The following KMT2D variants were observed in gnomAD, a reference collection of about 807,000 sequenced individuals.
KMT2D encodes lysine methyltransferase 2D.
A neutral mutation model predicts 512.7 loss-of-function variants in KMT2D; 55 were observed. The ratio of observed to expected loss-of-function variants is 0.11; its 90% confidence interval spans 0.09 to 0.13. The LOEUF (loss-of-function observed/expected upper bound fraction) is 0.13. KMT2D is among the 10% of genes least tolerant of loss of function. The pLI is 1.00. For missense variants in KMT2D, 6,061 were observed against 7,127.9 expected, an observed-to-expected ratio of 0.85 and a Z score of 5.39; for synonymous variants, 2,995 against 2,904.0, an observed-to-expected ratio of 1.03 and a Z score of -1.01.
rs757060410 is a variant in KMT2D at position 49,032,861 on chromosome 12, A to C, written c.11844T>G (p.Leu3948=). 2 of 1,548,528 alleles carry C rather than the reference A, an allele frequency of 1.3e-6. No individual in the cohort carries two copies. The highest frequency in any genetic ancestry group is 1.2e-5 in the South Asian group (1 of 83,900). Reference sequence around the variant, plus strand: ...GTTGTAGCTGCTGTTGCTGCTGTTGAAGCTGTTGCTGCTGCTGTTGTTGAA... The same window carrying C: ...GTTGTAGCTGCTGTTGCTGCTGTTGCAGCTGTTGCTGCTGCTGTTGTTGAA... ...QQLQQQQQQQ[L]QQQQQQLQQQ... Residue 3948 remains leucine, a synonymous_variant, in exon 40 of 55, where the codon CTT becomes CTG. Coordinates refer to ENST00000301067, the MANE Select transcript of KMT2D (RefSeq NM_003482.4).
rs2120452450 is a variant in KMT2D at position 49,034,135 on chromosome 12, C to T, written c.10672G>A (p.Glu3558Lys). The change falls in exon 39 of 55, where the codon GAA becomes AAA. Residue 3558 changes from glutamate to lysine, a missense_variant. Around this residue, in one of 16 missense-constraint regions of KMT2D, gnomAD observed 50 missense variants for 119.9 expected, o/e 0.42. Transcript: ENST00000301067. ...TAKKAGREFP[E>K]ADAEKLKLVT... ...AGCTTGAGCTTCTCAGCATCAGCTT[C>T]TGGGAACTCACGGCCAGCTTTTTTG... 6.2e-7 allele frequency: 1 copy of T among 1,613,332 alleles called. No individual in the cohort carries two copies. The highest frequency in any genetic ancestry group is 8.5e-7 in the Non-Finnish European group (1 of 1,179,902).
intron 19 of KMT2D, 131 bp from the exon 20 acceptor site, chr12:49,045,096 G>T: frequency 1.2e-6 from 1 of 819,644 alleles, no homozygotes. Flanking sequence ...TAAATGCTGA[G>T]GAGAACAGGC....
Position 49,027,205 on chromosome 12 carries a change from AG to A in KMT2D, c.14760del (p.Leu4921TrpfsTer74). On this transcript the variant is annotated frameshift_variant, in exon 49 of 55. Transcript: ENST00000301067. LOFTEE classifies it high-confidence loss of function. ...GGGGGACTGGCAGGAGAAGGTGCCA[AG>A]GGGGAAGGGGGCGGGGAGGGTTCTT... ...PPEEPSPPPSPLAPSPASPPT... is the reference protein window; with the variant it reads ...PPEEPSPPPSXLAPSPASPPT... 1 of 909,282 alleles carries A rather than the reference AG, an allele frequency of 1.1e-6. No individual in the cohort carries two copies. The highest frequency in any genetic ancestry group is 1.4e-6 in the Non-Finnish European group (1 of 690,856). 56.3% of individuals were successfully genotyped at this position (909,282 alleles called of 1,614,324 possible).
chr12:49,036,518 C>T (rs1193928406), intron 35 of KMT2D, among the ~76,000 whole-genome samples: 1 of 104,022 alleles, frequency 9.6e-6, no homozygotes, highest in East Asian at 3.1e-4. Context: ...GATGGAGTTT[C>T]GCTCTTGTTG....
chr12:49,050,957 G>A lies in KMT2D; in HGVS notation c.2726C>T (p.Ser909Phe), dbSNP rs757736905. ...ALSEPGEPPL[S>F]PLPEELPLSP... ...CAACGGCAGCTCCTCGGGCAGAGGG[G>A]ACAGAGGTGGTTCCCCAGGCTCAGA... is the stretch of plus-strand genomic sequence containing the variant. Residue 909 changes from serine (S) to phenylalanine (F), a missense_variant, in exon 11 of 55, where the codon TCC becomes TTC. Physicochemically the swap from Ser to Phe is radical, Grantham distance 155. Transcript: ENST00000301067. 3.2e-6 allele frequency: 5 copies of A among 1,558,092 alleles called. No individual in the cohort carries two copies. In the Admixed American group the frequency reaches 5.8e-5, roughly 18 times the overall value.
intron 40 of KMT2D, 62 bp downstream of exon 40, chr12:49,031,113 A>G: frequency 6.2e-7 from 1 of 1,610,380 alleles, no homozygotes; most frequent in Non-Finnish European, 8.5e-7. Flanking sequence ...AGGCTCACTC[A>G]TTCTGCCCCC....
intron 51 of KMT2D, chr12:49,023,917 A>G: frequency 2.8e-6 from 1 of 361,200 alleles, no homozygotes; most frequent in Non-Finnish European, 5.4e-6. Flanking sequence ...TCCCTGGTAC[A>G]CAGAAAGAAC....
chr12:49,056,118 G>C (rs1938391836), intron 1 of KMT2D, among the ~76,000 whole-genome samples: 1 of 152,216 alleles, frequency 6.6e-6, no homozygotes, highest in South Asian at 2.1e-4. Context: ...GTAGTTAACA[G>C]AAGTGGACCT....
rs1241809801 is a variant in KMT2D at position 49,027,940 on chromosome 12, G to A, written c.14516-10C>T. Reference sequence around the variant, plus strand: ...CCCTTTTCCTTCCCACCTGCAGAAAGGAGTGGATCAGAGCCTCCCACCAGA... The same window carrying A: ...CCCTTTTCCTTCCCACCTGCAGAAAAGAGTGGATCAGAGCCTCCCACCAGA... On this transcript the variant is annotated splice_polypyrimidine_tract_variant and intron_variant, in intron 47 of 54. Coordinates refer to ENST00000301067, the MANE Select transcript of KMT2D (RefSeq NM_003482.4). 1.2e-6 allele frequency: 2 copies of A among 1,613,828 alleles called. No individual in the cohort carries two copies. Among genetic ancestry groups the A allele is most frequent in the African/African-American group, 2.7e-5 (2 of 74,916 alleles).
At position 49,042,731 on chromosome 12, in the gene KMT2D, C is replaced by T. The variant is rs1943598651; in HGVS notation, c.5782+10G>A. On this transcript the variant is annotated intron_variant, in intron 27 of 54. Transcript: ENST00000301067. The surrounding 1 kb of genome is among the most constrained non-coding windows in gnomAD (Gnocchi z 4.4). ...TATGTCAGTCTTCAGACCACTCCCA[C>T]CTGTATTACCTTGAAGAAAGGGCCT... is the stretch of plus-strand genomic sequence containing the variant. 1 of 1,611,984 alleles carries T rather than the reference C, an allele frequency of 6.2e-7. No individual in the cohort carries two copies. Among genetic ancestry groups the T allele is most frequent in the African/African-American group, 1.3e-5 (1 of 74,826 alleles).
At position 49,038,510 on chromosome 12, in the gene KMT2D, G is replaced by A. The variant is rs769892214; in HGVS notation, c.8846C>T (p.Thr2949Ile). The A allele has an allele frequency of 6.2e-7, 1 of 1,607,452 alleles. No individual in the cohort carries two copies. Among genetic ancestry groups the A allele is most frequent in the Non-Finnish European group, 8.5e-7 (1 of 1,175,196 alleles). ...APELNNSLHP[T>I]PHTKGPTLPT... ...CAGGGTAGGACCCTTGGTGTGGGGTGTTGGATGAAGACTGTTGTTCAATTC... is the reference window on the plus strand; with the variant it reads ...CAGGGTAGGACCCTTGGTGTGGGGTATTGGATGAAGACTGTTGTTCAATTC... The change falls in exon 35 of 55, where the codon ACA becomes ATA. Residue 2949 changes from threonine to isoleucine, a missense_variant. Physicochemically the swap from Thr to Ile is moderately conservative, Grantham distance 89. Coordinates refer to ENST00000301067, the MANE Select transcript of KMT2D (RefSeq NM_003482.4). The surrounding 1 kb of genome is among the most constrained non-coding windows in gnomAD (Gnocchi z 5.7).
At position 49,026,428 on chromosome 12, in the gene KMT2D, C is replaced by T. The variant is rs2137716013; in HGVS notation, c.15538G>A (p.Val5180Met). Residue 5180 changes from valine to methionine, a missense_variant, in exon 49 of 55, where the codon GTG becomes ATG. Coordinates refer to ENST00000301067, the MANE Select transcript of KMT2D (RefSeq NM_003482.4). The surrounding 1 kb of genome is among the most constrained non-coding windows in gnomAD (Gnocchi z 9.6). ...QRGERLHMFR[V>M]GGLVFHAIGQ... ...ATGGCGTGGAACACAAGGCCCCCCA[C>T]ACGGAACATGTGCAGCCGTTCTCCC... The T allele has an allele frequency of 6.2e-7, 1 of 1,614,010 alleles. No individual in the cohort carries two copies. The highest frequency in any genetic ancestry group is 8.5e-7 in the Non-Finnish European group (1 of 1,179,888).
chr12:49,051,239 A>T lies in KMT2D; in HGVS notation c.2444T>A (p.Leu815Gln), dbSNP rs1807365546. ...GCATGGCTCCTCAGGCACAGGAGAC[A>T]GGTGCGGCTCCTCAGTCTGGGGGGA... ...HLSPQTEEPH[L>Q]SPVPEEPCLS... The change falls in exon 11 of 55, where the codon CTG (leucine) becomes CAG (glutamine). Residue 815 changes from leucine (L) to glutamine (Q), a missense_variant. Coordinates refer to ENST00000301067, the MANE Select transcript of KMT2D (RefSeq NM_003482.4). 6.6e-7 allele frequency: 1 copy of T among 1,525,872 alleles called. No individual in the cohort carries two copies. The highest frequency in any genetic ancestry group is 1.3e-5 in the South Asian group (1 of 78,018). The allele number at this position is 1,525,872 out of a possible 1,614,324, so 94.5% of individuals were successfully genotyped here. A position where few individuals can be genotyped will look rare whatever the true frequency, so the allele number is the denominator to read the frequency against.
intron 48 of KMT2D, 141 bp from the exon 49 acceptor site, chr12:49,027,463 T>C (rs113628265): frequency 1.3e-6 from 1 of 752,526 alleles, no homozygotes; most frequent in Non-Finnish European, 2.1e-6. Flanking sequence ...CTTTTCTTTT[T>C]TTTTTGAGAC....
chr12:49,025,657 T>C (rs190371310), intron 49 of KMT2D, among the ~76,000 whole-genome samples: 31 of 152,340 alleles, frequency 2.0e-4, no homozygotes, highest in Admixed American at 1.9e-3. Flanking sequence ...CTCAGTTTCT[T>C]TATGAACAAA....
At position 49,033,113 on chromosome 12, in the gene KMT2D, G is replaced by A; in HGVS notation, c.11592C>T (p.His3864=). ...TAQQQQQQQQ[H]QQQGSMAGLS... The stretch of plus-strand genomic sequence containing the variant: ...GCCCTGCCATGGACCCTTGCTGTTG[G>A]TGCTGTTGTTGCTGCTGCTGCTGCT... The change falls in exon 40 of 55, where the codon CAC becomes CAT. Residue 3864 remains histidine (H), a synonymous_variant. Coordinates refer to ENST00000301067, the MANE Select transcript of KMT2D (RefSeq NM_003482.4). 1 of 1,551,280 alleles carries A rather than the reference G, an allele frequency of 6.4e-7. No homozygotes were observed. The highest frequency in any genetic ancestry group is 8.7e-7 in the Non-Finnish European group (1 of 1,146,832).
At chr12:49,028,268 C>T in intron 46 of KMT2D, 127 bp from the exon 47 acceptor site, 1 of 1,150,722 alleles carries the variant, frequency 8.7e-7, no homozygotes. Flanking sequence ...TCCTATGTCA[C>T]CCAGCTCTTT....
At chr12:49,029,329 T>G in intron 44 of KMT2D, 72 bp downstream of exon 44, 1 of 1,580,278 alleles carries the variant, frequency 6.3e-7, no homozygotes, top group Non-Finnish European at 8.6e-7. Context: ...AAATCTCCAT[T>G]GGCCAAAGGA....
chr12:49,040,580 G>A lies in KMT2D; in HGVS notation c.7190C>T (p.Ala2397Val), dbSNP rs2120531023. 1 of 1,613,434 alleles carries A rather than the reference G, an allele frequency of 6.2e-7. No homozygotes were observed. Among genetic ancestry groups the A allele is most frequent in the South Asian group, 1.1e-5 (1 of 91,060 alleles). ...PQPPPPESCCALPPRSLPSDP... is the reference protein window; with the variant it reads ...PQPPPPESCCVLPPRSLPSDP... ...GGAGGGCAGTGAGCGAGGGGGCAGA[G>A]CACAGCAGCTCTCAGGGGGCGGAGG... Residue 2397 changes from alanine to valine, a missense_variant, in exon 32 of 55, where the codon GCT (alanine) becomes GTT (valine). Transcript: ENST00000301067.
Sources: gnomAD v4.1 joint callset for allele counts (sites outside exome capture counted in the v4.1 genomes callset) on GRCh38, gnomAD v4.1.1 for gene constraint, gnomAD v4.1.1 regional missense constraint, Gnocchi (gnomAD v3.1) non-coding constraint, MANE v1.5 for transcripts, NCBI Gene and HGNC (gene_info 2026-07-23, HGNC 2026-07-21) for gene names.